The following UMODL1 variants were observed in gnomAD, a reference collection of about 807,000 sequenced individuals.
The protein encoded by UMODL1 is uromodulin-like 1.
Under a neutral mutation model 136.3 loss-of-function variants are expected in UMODL1, and 128 were observed. The ratio of observed to expected loss-of-function variants is 0.94; its 90% CI spans 0.81 to 1.09. UMODL1 has a LOEUF of 1.09. Among genes scored for constraint, UMODL1 ranks in the 50% least tolerant of loss-of-function variants. The probability of loss-of-function intolerance (pLI) is 0.00; values close to 1 mark genes in which losing one functional copy is unlikely to be tolerated. For synonymous variants in UMODL1, 721 were observed against 720.0 expected, an observed-to-expected ratio of 1.00 and a Z score of -0.02; for missense variants, 1,766 against 1,725.6, an observed-to-expected ratio of 1.02 and a Z score of -0.41.
At chr21:42,128,429 C>T (rs1441297571) in intron 20 of UMODL1, among the ~76,000 whole-genome samples, 1 of 152,214 alleles carries the variant, frequency 6.6e-6, no homozygotes, top group Admixed American at 6.5e-5. Flanking sequence ...GCTTAGGGAG[C>T]TCCGCTGCTT....
intron 14 of UMODL1, 98 bp from the exon 15 acceptor site, chr21:42,119,013 C>T: frequency 7.9e-7 from 1 of 1,270,834 alleles, no homozygotes; most frequent in Non-Finnish European, 1.1e-6. Context: ...CACGGGCCAG[C>T]CCTGCTGCTG....
At chr21:42,136,365 C>T (rs188617047) in intron 21 of UMODL1, among the ~76,000 whole-genome samples, 6 of 152,354 alleles carry the variant, frequency 3.9e-5, no homozygotes, top group Admixed American at 3.9e-4. Flanking sequence ...GAGTCCCTCC[C>T]CATCCACCTT....
intron 15 of UMODL1, chr21:42,120,498 A>G (rs901082125): frequency 2.0e-5 from 3 of 152,264 alleles, no homozygotes; most frequent in African/African-American, 4.8e-5. Flanking sequence ...CTGTTATGCA[A>G]TGATGAGAAT....
intron 2 of UMODL1, 84 bp downstream of exon 2, chr21:42,076,331 G>T: frequency 6.3e-7 from 1 of 1,577,860 alleles, no homozygotes; most frequent in African/African-American, 1.3e-5. Flanking sequence ...GCATCCATTG[G>T]CCCCGAACTT....
intron 12 of UMODL1, among the ~76,000 whole-genome samples, chr21:42,112,131 C>T (rs972440509): frequency 1.3e-5 from 2 of 151,920 alleles, no homozygotes; most frequent in Admixed American, 6.6e-5. Context: ...TGCACCCTCC[C>T]AGTAATGCTG....
Position 42,104,040 on chromosome 21 carries a change from TG to T in UMODL1, c.1474del (p.Ala492GlnfsTer65). The T allele has an allele frequency of 6.2e-7, 1 of 1,613,914 alleles. No homozygotes were observed. Among genetic ancestry groups the T allele is most frequent in the Non-Finnish European group, 8.5e-7 (1 of 1,180,026 alleles). On this transcript the variant is annotated frameshift_variant, in exon 9 of 23. Coordinates refer to ENST00000408910, the MANE Select transcript of UMODL1 (RefSeq NM_001004416.3). LOFTEE classifies it high-confidence loss of function. ...CTGGCCCCCATACTCCAGCCCCTGT[TG>T]GCAAGCACAGTGTTCCAGATTGACC... Reference protein sequence around the residue: ...STLAPILQPLLASTVFQIDRQ... With the variant: ...STLAPILQPLXASTVFQIDRQ...
chr21:42,095,089 G>GTTTTTTTTTTTTTTTTTTTT lies in UMODL1; in HGVS notation c.932-3833_932-3814dup, dbSNP rs58764222. Among the ~76,000 whole-genome samples the GTTTTTTTTTTTTTTTTTTTT allele has an allele frequency of 3.1e-4, 19 of 61,200 alleles. 2 individuals are homozygous for GTTTTTTTTTTTTTTTTTTTT. The highest frequency in any genetic ancestry group is 5.5e-4 in the East Asian group (1 of 1,816). 40.1% of individuals were successfully genotyped at this position (61,200 alleles called of 152,430 possible). A position where few individuals can be genotyped will look rare whatever the true frequency, so the allele number is the denominator to read the frequency against. On this transcript the variant is annotated intron_variant, in intron 6 of 22. Transcript: ENST00000408910. ...CATCACTCCTTTGTTTTCTTCTGCT[G>GTTTTTTTTTTTTTTTTTTTT]TTTTTTTTTTTTTTTTTTTTTTTGA...
Position 42,142,726 on chromosome 21 carries a change from G to T in UMODL1, c.*652G>T, listed in dbSNP as rs189665218. On this transcript the variant is annotated 3_prime_UTR_variant, in exon 23 of 23. Coordinates refer to ENST00000408910, the MANE Select transcript of UMODL1 (RefSeq NM_001004416.3). ...AACCTTTTCAATAAGCAGAAATAACGTAGGTACACATCACTCTTTACATTT... is the reference window on the plus strand; with the variant it reads ...AACCTTTTCAATAAGCAGAAATAACTTAGGTACACATCACTCTTTACATTT... 6.6e-6 allele frequency: 1 copy of T among 152,158 alleles called. No homozygotes were observed. The highest frequency in any genetic ancestry group is 1.5e-5 in the Non-Finnish European group (1 of 68,036). The allele number at this position is 152,158 out of a possible 1,614,324, so 9.4% of individuals were successfully genotyped here.
upstream of UMODL1, among the ~76,000 whole-genome samples, chr21:42,069,036 A>C (rs2066206532): frequency 6.6e-6 from 1 of 152,208 alleles, no homozygotes; most frequent in Non-Finnish European, 1.5e-5. Context: ...TGTGGAAGAC[A>C]CACCCCGGCA....
rs141336485 is a variant in UMODL1, at chr21:42,109,236, C to T, written c.1520-326C>T. On this transcript the variant is annotated intron_variant, in intron 9 of 22. Coordinates refer to ENST00000408910, the MANE Select transcript of UMODL1 (RefSeq NM_001004416.3). ...CACTAAGTATTGGAGAATGTTGGCA[C>T]ATCAAAGAGAGAGGAGAAAACATTT... Among the ~76,000 whole-genome samples the T allele has an allele frequency of 1.2e-3, 179 of 152,190 alleles. 2 individuals are homozygous for T. Among genetic ancestry groups the T allele is most frequent in the African/African-American group, 4.1e-3 (170 of 41,482 alleles).
At position 42,100,578 on chromosome 21, in the gene UMODL1, G is replaced by A. The variant is rs553568698; in HGVS notation, c.1186+1398G>A. ...CTCATTTCATTTCCAAAGTACACCA[G>A]GACTGAGGGGAGGGACACTCTTTTC... On this transcript the variant is annotated intron_variant, in intron 7 of 22. Transcript: ENST00000408910. Among the ~76,000 whole-genome samples the A allele has an allele frequency of 7.9e-5, 12 of 152,082 alleles. 1 individual carries two copies. Among genetic ancestry groups the A allele is most frequent in the African/African-American group, 2.2e-4 (9 of 41,476 alleles).
chr21:42,109,819 A>T, intron 10 of UMODL1, 120 bp downstream of exon 10: 1 of 1,079,042 alleles, frequency 9.3e-7, no homozygotes, highest in Admixed American at 2.8e-5. Context: ...TTAGGGGCCT[A>T]CAGAAATGTT....
intron 6 of UMODL1, among the ~76,000 whole-genome samples, chr21:42,096,643 C>T (rs557466629): frequency 1.4e-4 from 21 of 152,298 alleles, no homozygotes; most frequent in African/African-American, 4.1e-4. Flanking sequence ...TGTGCTCTCT[C>T]GCTCTGCGTC....
chr21:42,104,324 G>A (rs1018004065), intron 9 of UMODL1, among the ~76,000 whole-genome samples: 3 of 151,838 alleles, frequency 2.0e-5, no homozygotes, highest in Non-Finnish European at 4.4e-5. Context: ...TACCCTCAGG[G>A]GAAAGGGACA....
upstream of UMODL1, among the ~76,000 whole-genome samples, chr21:42,067,038 G>C (rs971312584): frequency 6.7e-6 from 1 of 149,098 alleles, no homozygotes; most frequent in African/African-American, 2.5e-5. Flanking sequence ...GCAGTGGCGC[G>C]ATCTTGGCTC....
At chr21:42,075,955 C>A in intron 1 of UMODL1, 50 bp from the exon 2 acceptor site, 1 of 1,602,600 alleles carries the variant, frequency 6.2e-7, no homozygotes, top group Non-Finnish European at 8.5e-7. Flanking sequence ...ACCGCTCGCA[C>A]GGATCTGATC....
At chr21:42,114,122 C>T (rs2066874429) in intron 13 of UMODL1, among the ~76,000 whole-genome samples, 1 of 152,224 alleles carries the variant, frequency 6.6e-6, no homozygotes, top group African/African-American at 2.4e-5. Flanking sequence ...CCGGGGGAGG[C>T]AGCATGGAAA....
At chr21:42,116,520 T>A (rs1191717181) in intron 14 of UMODL1, among the ~76,000 whole-genome samples, 1 of 152,176 alleles carries the variant, frequency 6.6e-6, no homozygotes, top group Admixed American at 6.5e-5. Flanking sequence ...GAGGCACAAC[T>A]CTTCCTCTGC....
chr21:42,132,199 A>G (rs2067142789), intron 21 of UMODL1, among the ~76,000 whole-genome samples: 1 of 151,144 alleles, frequency 6.6e-6, no homozygotes, highest in Non-Finnish European at 1.5e-5. Context: ...CCATCCATCC[A>G]TTCATCCCTC....
Sources: allele counts gnomAD v4.1 joint callset (sites outside exome capture counted in the v4.1 genomes callset), GRCh38; gene constraint gnomAD v4.1.1; transcripts MANE v1.5; gene names NCBI Gene and HGNC (gene_info 2026-07-23, HGNC 2026-07-21).